The following PCDH17 variants were observed in gnomAD, a reference collection of about 807,000 sequenced individuals.
The protein encoded by PCDH17 is protocadherin 17.
A neutral mutation model predicts 67.7 loss-of-function variants in PCDH17; 21 were observed. That is an observed-to-expected ratio of 0.31 (90% CI 0.22 to 0.45). The LOEUF (loss-of-function observed/expected upper bound fraction) is 0.45. Among genes scored for constraint, PCDH17 ranks in the 20% least tolerant of loss-of-function variants. PCDH17 has a pLI of 1.00. For synonymous variants in PCDH17, 701 were observed against 656.7 expected (o/e 1.07, Z -1.03); for missense variants, 1,471 against 1,564.8 (o/e 0.94, Z 1.01).
chr13:57,707,021 T>C (rs1955727365), intron 3 of PCDH17, among the ~76,000 whole-genome samples: 1 of 152,118 alleles, frequency 6.6e-6, no homozygotes, highest in Non-Finnish European at 1.5e-5. Flanking sequence ...GTAATTGTGG[T>C]TTTTGTTAAA....
intron 3 of PCDH17, among the ~76,000 whole-genome samples, chr13:57,702,164 G>A (rs1426734083): frequency 3.3e-5 from 5 of 151,836 alleles, no homozygotes; most frequent in African/African-American, 7.3e-5. Context: ...GTGATCCACC[G>A]CCTCGGCCTC....
At chr13:57,686,029 C>T (rs932840427) in intron 3 of PCDH17, among the ~76,000 whole-genome samples, 6 of 151,660 alleles carry the variant, frequency 4.0e-5, no homozygotes, top group Non-Finnish European at 8.8e-5. Flanking sequence ...TTTGAAGTTG[C>T]AGTGAGTCAT....
At chr13:57,723,151 T>TA (rs576605744) in intron 3 of PCDH17, among the ~76,000 whole-genome samples, 78 of 152,300 alleles carry the variant, frequency 5.1e-4, no homozygotes, top group African/African-American at 1.8e-3. Context: ...ACATTTCTTT[T>TA]AAAAAATGAC....
intron 3 of PCDH17, among the ~76,000 whole-genome samples, chr13:57,667,698 T>G (rs1369679599): frequency 6.6e-6 from 1 of 151,502 alleles, no homozygotes; most frequent in Middle Eastern, 3.2e-3. Context: ...TATGTGAACC[T>G]AACCTCTAAG....
Position 57,666,545 on chromosome 13 carries a change from CTT to C in PCDH17, c.2624+22_2624+23del, listed in dbSNP as rs1488470360. ...TTCAAAGGTAAGGCCTATTAAATAA[CTT>C]TTCTCAGCTTCCCCATTTGCATTCG... On this transcript the variant is annotated intron_variant, in intron 2 of 3. Coordinates refer to ENST00000377918, the MANE Select transcript of PCDH17 (RefSeq NM_001040429.3). The C allele has an allele frequency of 3.1e-6, 5 of 1,612,396 alleles. No homozygotes were observed. In the African/African-American group the frequency reaches 5.3e-5, roughly 17 times the overall value.
At chr13:57,650,417 G>A (rs556963641) in intron 1 of PCDH17, among the ~76,000 whole-genome samples, 1 of 152,034 alleles carries the variant, frequency 6.6e-6, no homozygotes, top group Non-Finnish European at 1.5e-5. Context: ...GGGATGAATT[G>A]CTTACATTTG....
intron 3 of PCDH17, among the ~76,000 whole-genome samples, chr13:57,674,621 C>T (rs920803160): frequency 1.3e-5 from 2 of 151,888 alleles, no homozygotes; most frequent in Non-Finnish European, 2.9e-5. Context: ...GCCACTGTGC[C>T]CACCTTTTTT....
upstream of PCDH17, among the ~76,000 whole-genome samples, chr13:57,631,352 G>A (rs1055797331): frequency 6.6e-6 from 1 of 152,072 alleles, no homozygotes; most frequent in African/African-American, 2.4e-5. Flanking sequence ...TGTGTGCAAG[G>A]ACTGGGAGGG....
Position 57,634,764 on chromosome 13 carries a change from T to TA in PCDH17, c.2219dup (p.Tyr740Ter), listed in dbSNP as rs781729691. 1 of 1,613,932 alleles carries TA rather than the reference T, an allele frequency of 6.2e-7. No individual in the cohort carries two copies. Among genetic ancestry groups the TA allele is most frequent in the African/African-American group, 1.3e-5 (1 of 74,962 alleles). Residue 740 changes from tyrosine (Y) to a stop codon, truncating the protein, a stop_gained and frameshift_variant, in exon 1 of 4, where the codon TAC becomes TAAC. Transcript: ENST00000377918. LOFTEE classifies it high-confidence loss of function. This position sits in a 1 kb window ranked among gnomAD's most constrained non-coding sequence, Gnocchi z 7.8. ...CKRENKEIRT[Y>*]NCRIAEYSHP... ...GCGCGAGAACAAGGAGATCCGCACT[T>TA]ACAACTGCCGCATCGCCGAGTACAG...
chr13:57,679,085 G>A (rs1358341941), intron 3 of PCDH17, among the ~76,000 whole-genome samples: 1 of 151,348 alleles, frequency 6.6e-6, no homozygotes, highest in East Asian at 2.0e-4. Flanking sequence ...AGTAACCTAT[G>A]TCAGTTCAAG....
intron 1 of PCDH17, among the ~76,000 whole-genome samples, chr13:57,642,603 G>A (rs1954919114): frequency 6.6e-6 from 1 of 151,438 alleles, no homozygotes; most frequent in Non-Finnish European, 1.5e-5. Context: ...TAGGCACTGA[G>A]TCATGAATTG....
intron 3 of PCDH17, among the ~76,000 whole-genome samples, chr13:57,686,924 TG>T (rs1225162522): frequency 6.6e-6 from 1 of 152,044 alleles, no homozygotes; most frequent in East Asian, 1.9e-4. Flanking sequence ...CAAATCTTTT[TG>T]TTATGACTAT....
intron 1 of PCDH17, among the ~76,000 whole-genome samples, chr13:57,659,728 A>C (rs1955160024): frequency 6.6e-6 from 1 of 152,170 alleles, no homozygotes; most frequent in Admixed American, 6.5e-5. Context: ...TAAAGGTAGA[A>C]ACAGTTTTAT....
chr13:57,666,918 C>A, intron 3 of PCDH17, 85 bp downstream of exon 3: 1 of 1,036,490 alleles, frequency 9.6e-7, no homozygotes, highest in Non-Finnish European at 1.4e-6. Context: ...CAGTTTATCA[C>A]AGTGGAATGG....
Position 57,724,714 on chromosome 13 carries a change from C to T in PCDH17, c.2900C>T (p.Ala967Val). The change falls in exon 4 of 4, where the codon GCA becomes GTA. Residue 967 changes from alanine (A) to valine (V), a missense_variant. Transcript: ENST00000377918. ...CCTGCAGCCAATCAGGCTGAAAATG[C>T]AGATTACCGCACAAATCTCTTTGTA... ...QFPAANQAEN[A>V]DYRTNLFVPT... 1.2e-6 allele frequency: 2 copies of T among 1,614,006 alleles called. No homozygotes were observed. Among genetic ancestry groups the T allele is most frequent in the Non-Finnish European group, 8.5e-7 (1 of 1,179,926 alleles).
intron 3 of PCDH17, among the ~76,000 whole-genome samples, chr13:57,690,034 C>A (rs1955544092): frequency 1.3e-5 from 2 of 151,678 alleles, no homozygotes; most frequent in African/African-American, 4.8e-5. Context: ...AAAACAATGA[C>A]TCCATAGGAA....
In PCDH17 at chr13:57,634,497, T is replaced by G; in HGVS notation, c.1951T>G (p.Phe651Val). 1 of 1,612,560 alleles carries G rather than the reference T, an allele frequency of 6.2e-7. No individual in the cohort carries two copies. Among genetic ancestry groups the G allele is most frequent in the Non-Finnish European group, 8.5e-7 (1 of 1,179,906 alleles). ...CGGCGAGATCCGCACGCTGCACCCT[T>G]TCTGGGAGGACGTGACGCCCGTGGT... Reference protein sequence around the residue: ...SSGEIRTLHPFWEDVTPVVEL... With the variant: ...SSGEIRTLHPVWEDVTPVVEL... Residue 651 changes from phenylalanine to valine, a missense_variant, in exon 1 of 4, where the codon TTC becomes GTC. Transcript: ENST00000377918. This position sits in a 1 kb window ranked among gnomAD's most constrained non-coding sequence, Gnocchi z 7.8.
At chr13:57,638,288 A>G (rs1402895768) in intron 1 of PCDH17, among the ~76,000 whole-genome samples, 1 of 152,042 alleles carries the variant, frequency 6.6e-6, no homozygotes, top group Non-Finnish European at 1.5e-5. Context: ...ACTAGTTCTC[A>G]AGAATAACTG....
At chr13:57,667,886 T>C (rs1028076993) in intron 3 of PCDH17, among the ~76,000 whole-genome samples, 22 of 148,300 alleles carry the variant, frequency 1.5e-4, no homozygotes, top group Non-Finnish European at 2.7e-4. Flanking sequence ...TATACTTATT[T>C]ATATATATTT....
Sources: allele counts gnomAD v4.1 joint callset (sites outside exome capture counted in the v4.1 genomes callset), GRCh38; gene constraint gnomAD v4.1.1; non-coding constraint Gnocchi (gnomAD v3.1); transcripts MANE v1.5; gene names NCBI Gene and HGNC (gene_info 2026-07-23, HGNC 2026-07-21).